ANKLE2: variants seen among roughly 807,000 people sequenced by gnomAD.
The protein encoded by ANKLE2 is ankyrin repeat and LEM domain containing 2.
ANKLE2 carries 55 observed loss-of-function variants against 84.2 expected under a neutral mutation model. That is an observed-to-expected ratio of 0.65 (90% CI 0.53 to 0.82). ANKLE2 has a LOEUF of 0.82. Among genes scored for constraint, ANKLE2 ranks in the 40% least tolerant of loss-of-function variants. The pLI, the probability that ANKLE2 is intolerant of heterozygous loss-of-function variation, is 0.00. For missense variants in ANKLE2, 1,238 were observed against 1,201.9 expected (o/e 1.03, Z -0.44); for synonymous variants, 551 against 486.1 (o/e 1.13, Z -1.76).
rs892859354 is a variant in ANKLE2 at position 132,743,960 on chromosome 12, C to T, written c.1231-684G>A. 5.9e-5 allele frequency among the ~76,000 whole-genome samples: 9 copies of T among 152,332 alleles called. No homozygotes were observed. The South Asian group carries it at 8.3e-4, about 14-fold the overall frequency. Reference sequence around the variant, plus strand: ...TGGTCTGTACTCAAAGAAGTCTCTGCGGCCTGTGACACCACAGTAAACGAA... The same window carrying T: ...TGGTCTGTACTCAAAGAAGTCTCTGTGGCCTGTGACACCACAGTAAACGAA... On this transcript the variant is annotated intron_variant, in intron 5 of 12. Coordinates refer to ENST00000357997, the MANE Select transcript of ANKLE2 (RefSeq NM_015114.3). This position sits in a 1 kb window ranked among gnomAD's most constrained non-coding sequence, Gnocchi z 4.1.
At chr12:132,733,123 A>C (rs1334474405) in intron 10 of ANKLE2, among the ~76,000 whole-genome samples, 6 of 132,958 alleles carry the variant, frequency 4.5e-5, no homozygotes, top group South Asian at 5.2e-4. Context: ...TCTGATATGC[A>C]CCGTGTGAAG....
chr12:132,733,684 C>G (rs2043944825), intron 10 of ANKLE2, among the ~76,000 whole-genome samples: 1 of 151,932 alleles, frequency 6.6e-6, no homozygotes, highest in African/African-American at 2.4e-5. Context: ...GTCCTGGTGT[C>G]TGATATGCAC....
At chr12:132,736,334 G>A (rs1050859476) in intron 8 of ANKLE2, among the ~76,000 whole-genome samples, 8 of 152,200 alleles carry the variant, frequency 5.3e-5, no homozygotes, top group African/African-American at 1.9e-4. Flanking sequence ...ATTCCAACAG[G>A]AGAAAGAATT....
chr12:132,751,406 A>G (rs1422937583), intron 2 of ANKLE2: 4 of 147,490 alleles, frequency 2.7e-5, no homozygotes, highest in Admixed American at 2.0e-4. Flanking sequence ...ACCATGCCTA[A>G]TTTTTTGTAT....
chr12:132,731,820 A>T (rs977378275), intron 10 of ANKLE2: 1 of 152,244 alleles, frequency 6.6e-6, no homozygotes, highest in Admixed American at 6.5e-5. Context: ...TAGATTTTGT[A>T]GATTAACCTC....
At chr12:132,759,050 G>GTATCAGTGTGCAAGTTTAA (rs1221788040) in intron 1 of ANKLE2, 4 of 136,448 alleles carry the variant, frequency 2.9e-5, no homozygotes, top group South Asian at 2.1e-4. Context: ...GCACCCCGGG[G>GTATCAGTGTGCAAGTTTAA]CACCCACGTG....
intron 5 of ANKLE2, among the ~76,000 whole-genome samples, chr12:132,744,768 C>T (rs1187211665): frequency 2.0e-5 from 3 of 152,134 alleles, no homozygotes; most frequent in East Asian, 1.9e-4. Context: ...GCAAGCTCCG[C>T]CTCCCGGGTT....
chr12:132,748,404 T>C lies in ANKLE2; in HGVS notation c.848-73A>G. ...CACTCATCACCCATGCACCCTCTGATGAGGGATAAGCAGCTTTCCACAGAG... is the reference window on the plus strand; with the variant it reads ...CACTCATCACCCATGCACCCTCTGACGAGGGATAAGCAGCTTTCCACAGAG... On this transcript the variant is annotated intron_variant, in intron 3 of 12. Coordinates refer to ENST00000357997, the MANE Select transcript of ANKLE2 (RefSeq NM_015114.3). 2.6e-6 allele frequency: 4 copies of C among 1,551,386 alleles called. No individual in the cohort carries two copies. The South Asian group carries it at 3.5e-5, about 14-fold the overall frequency.
Position 132,761,828 on chromosome 12 carries a change from A to AGCCCGCGCCCCGCGCCGCGCC in ANKLE2, c.-31_-30insGGCGCGGCGCGGGGCGCGGGC. ...GCCGCCCGGGCCGCAGCCGCCGAGA[A>AGCCCGCGCCCCGCGCCGCGCC]GCCCGCGCCCCGCGCCGCGCCCGTC... On this transcript the variant is annotated 5_prime_UTR_variant, in exon 1 of 13. Transcript: ENST00000357997. The AGCCCGCGCCCCGCGCCGCGCC allele has an allele frequency of 1.0e-6, 1 of 995,428 alleles. No individual in the cohort carries two copies. The highest frequency in any genetic ancestry group is 1.2e-6 in the Non-Finnish European group (1 of 838,648). The allele number at this position is 995,428 out of a possible 1,614,324, so 61.7% of individuals were successfully genotyped here.
chr12:132,729,925 C>A lies in ANKLE2; in HGVS notation c.2237G>T (p.Arg746Leu), dbSNP rs775374422. Residue 746 changes from arginine (R) to leucine (L), a missense_variant, in exon 11 of 13, where the codon CGT (arginine) becomes CTT (leucine). This residue lies in a region of ANKLE2 where 802 missense variants were observed against 774.5 expected (regional missense o/e 1.04). Coordinates refer to ENST00000357997, the MANE Select transcript of ANKLE2 (RefSeq NM_015114.3). ...TTCATCTGGTGTCTTGGAAACGCTA[C>A]GTCCTATATTTTGCAAATTCAGTTT... ...FDKLNLQNIGRSVSKTPDEST... is the reference protein window; with the variant it reads ...FDKLNLQNIGLSVSKTPDEST... 1 of 1,613,634 alleles carries A rather than the reference C, an allele frequency of 6.2e-7. No homozygotes were observed.
At chr12:132,732,108 G>T (rs1407656369) in intron 10 of ANKLE2, 5 of 143,714 alleles carry the variant, frequency 3.5e-5, no homozygotes, top group Non-Finnish European at 7.4e-5. Context: ...TATACACCAT[G>T]TGAAGCGCTC....
At chr12:132,734,073 T>C (rs1342868827) in intron 10 of ANKLE2, 2 of 442,592 alleles carry the variant, frequency 4.5e-6, no homozygotes, top group Non-Finnish European at 4.4e-6. Context: ...GCATCTCCAC[T>C]AAAAAAAAAA....
rs56230129 is a variant in ANKLE2 at position 132,728,973 on chromosome 12, G to T, written c.2483+706C>A. On this transcript the variant is annotated intron_variant, in intron 11 of 12. Coordinates refer to ENST00000357997, the MANE Select transcript of ANKLE2 (RefSeq NM_015114.3). ...AACAGCCAACACTAGGATCACCCACGGTCCAACCAGAGGAAGACCCAGAAA... is the reference window on the plus strand; with the variant it reads ...AACAGCCAACACTAGGATCACCCACTGTCCAACCAGAGGAAGACCCAGAAA... 2.6e-3 allele frequency among the ~76,000 whole-genome samples: 403 copies of T among 152,168 alleles called. 1 individual carries two copies. Among genetic ancestry groups the T allele is most frequent in the African/African-American group, 8.8e-3 (365 of 41,516 alleles).
intron 1 of ANKLE2, chr12:132,755,498 T>A: frequency 6.5e-6 from 1 of 153,508 alleles, no homozygotes; most frequent in Non-Finnish European, 1.4e-5. Context: ...TTAGCCGAGA[T>A]CACACCCCTG....
chr12:132,737,022 A>C lies in ANKLE2; in HGVS notation c.1464T>G (p.Ser488=), dbSNP rs896817756. 6.2e-7 allele frequency: 1 copy of C among 1,611,854 alleles called. No homozygotes were observed. The highest frequency in any genetic ancestry group is 1.3e-5 in the African/African-American group (1 of 74,884). The change falls in exon 8 of 13, where the codon TCT becomes TCG. Residue 488 remains serine (S), a synonymous_variant. Transcript: ENST00000357997. ...VPLLRAEETS[S]PVIGELWSPD... ...GGGACCACAGCTCCCCGATGACTGG[A>C]GAAGAAGTCTCTTCCGCTCTCAGGA...
chr12:132,741,974 G>A (rs538207195), intron 6 of ANKLE2: 8 of 377,224 alleles, frequency 2.1e-5, no homozygotes, highest in East Asian at 1.6e-4. Context: ...GCAGCAATAC[G>A]AACTTTTGCT....
At position 132,750,657 on chromosome 12, in the gene ANKLE2, T is replaced by C. The variant is rs751549374; in HGVS notation, c.833A>G (p.Asn278Ser). 4.3e-6 allele frequency: 7 copies of C among 1,614,078 alleles called. No homozygotes were observed. Among genetic ancestry groups the C allele is most frequent in the Non-Finnish European group, 5.1e-6 (6 of 1,180,042 alleles). The change falls in exon 3 of 13, where the codon AAT (asparagine) becomes AGT (serine). Residue 278 changes from asparagine (N) to serine (S), a missense_variant. This residue lies in a region of ANKLE2 where 422 missense variants were observed against 394.5 expected (regional missense o/e 1.07). Coordinates refer to ENST00000357997, the MANE Select transcript of ANKLE2 (RefSeq NM_015114.3). ...GCATGATTTACCTTTCAACCTGTCA[T>C]TGCTAAAGAGTGGAGCTGTTTTCAC... is the stretch of plus-strand genomic sequence containing the variant. ...SPVKTAPLFS[N>S]DRLKDGLCLS...
chr12:132,726,929 T>C lies in ANKLE2; in HGVS notation c.*313A>G. On this transcript the variant is annotated 3_prime_UTR_variant, in exon 13 of 13. Coordinates refer to ENST00000357997, the MANE Select transcript of ANKLE2 (RefSeq NM_015114.3). ...CAGGGTAAGTACAGGGCTGCCTGCC[T>C]GCAACTGCCTCAGCGCCCTTTCCTC... is the stretch of plus-strand genomic sequence containing the variant. 2.8e-6 allele frequency: 1 copy of C among 359,334 alleles called. No individual in the cohort carries two copies. Among genetic ancestry groups the C allele is most frequent in the Non-Finnish European group, 5.1e-6 (1 of 197,166 alleles). 22.3% of individuals were successfully genotyped at this position (359,334 alleles called of 1,614,324 possible).
In ANKLE2 at chr12:132,728,020, G is replaced by C. The variant is rs761803085; in HGVS notation, c.2615+12C>G. 6.3e-7 allele frequency: 1 copy of C among 1,587,788 alleles called. No homozygotes were observed. The highest frequency in any genetic ancestry group is 1.1e-5 in the South Asian group (1 of 87,950). On this transcript the variant is annotated intron_variant, in intron 12 of 12. Coordinates refer to ENST00000357997, the MANE Select transcript of ANKLE2 (RefSeq NM_015114.3). ...TGCCCTGCGGGTGACAGGCTGTCCG[G>C]GCCCCACATACCTCTGTCTGTCCGA...
Sources: allele counts gnomAD v4.1 joint callset (sites outside exome capture counted in the v4.1 genomes callset), GRCh38; gene constraint gnomAD v4.1.1; regional missense constraint gnomAD v4.1.1; non-coding constraint Gnocchi (gnomAD v3.1); transcripts MANE v1.5; gene names NCBI Gene and HGNC (gene_info 2026-07-23, HGNC 2026-07-21).